Variants in RNF150 observed in about 807,000 individuals in gnomAD.
RNF150 encodes the protein ring finger protein 150.
Under a neutral mutation model 39.3 loss-of-function variants are expected in RNF150, and 24 were observed. The observed-to-expected ratio is 0.61, with a 90% CI of 0.44 to 0.86. The LOEUF is 0.86. Among genes scored for constraint, RNF150 ranks in the 40% least tolerant of loss-of-function variants. The pLI, the probability that RNF150 is intolerant of heterozygous loss-of-function variation, is 0.00. For missense variants in RNF150, 502 were observed against 587.8 expected, an observed-to-expected ratio of 0.85 and a Z score of 1.51; for synonymous variants, 255 against 227.3, an observed-to-expected ratio of 1.12 and a Z score of -1.10.
intron 1 of RNF150, among the ~76,000 whole-genome samples, chr4:141,178,737 A>C (rs1325843022): frequency 6.7e-6 from 1 of 149,526 alleles, no homozygotes; most frequent in Non-Finnish European, 1.5e-5. Flanking sequence ...ATGCTAGTTC[A>C]TGTTCTCCAA....
At chr4:141,206,426 A>AAAC (rs1426830523) in intron 1 of RNF150, among the ~76,000 whole-genome samples, 1 of 151,586 alleles carries the variant, frequency 6.6e-6, no homozygotes, top group Non-Finnish European at 1.5e-5. Flanking sequence ...TCTCAAAAAA[A>AAAC]AAAAAAAAAA....
In RNF150 at chr4:141,132,589, A is replaced by T. The variant is rs1726926503; in HGVS notation, c.220T>A (p.Cys74Ser). ...GGCGAGTGCTCTCCGTAGCGCCCGC[A>T]CTCCGTCTTCTCCGTGTGCAGCTCC... ...GAELHTEKTECGRYGEHSPKQ... is the reference protein window; with the variant it reads ...GAELHTEKTESGRYGEHSPKQ... Residue 74 changes from cysteine to serine, a missense_variant, in exon 1 of 7, where the codon TGC becomes AGC. Transcript: ENST00000515673. The surrounding 1 kb of genome is among the most constrained non-coding windows in gnomAD (Gnocchi z 4.9). The T allele has an allele frequency of 1.3e-6, 2 of 1,569,318 alleles. No homozygotes were observed. The highest frequency in any genetic ancestry group is 4.7e-5 in the East Asian group (2 of 42,190).
intron 1 of RNF150, among the ~76,000 whole-genome samples, chr4:141,153,910 G>T (rs919299823): frequency 6.6e-6 from 1 of 152,178 alleles, no homozygotes; most frequent in Non-Finnish European, 1.5e-5. Flanking sequence ...AAGAGAGCAG[G>T]CTCTCGAGTT....
intron 6 of RNF150, among the ~76,000 whole-genome samples, chr4:140,902,239 T>C (rs916416672): frequency 6.6e-6 from 1 of 152,168 alleles, no homozygotes; most frequent in Admixed American, 6.5e-5. Flanking sequence ...GGGATGGTGA[T>C]TGTTTCACTA....
intron 6 of RNF150, among the ~76,000 whole-genome samples, chr4:140,893,716 C>G (rs144023509): frequency 3.3e-5 from 5 of 151,980 alleles, no homozygotes; most frequent in Admixed American, 6.6e-5. Context: ...GTTGTTCTGG[C>G]GGGGGCTTGT....
chr4:141,047,816 A>C (rs1736633497), intron 1 of RNF150, among the ~76,000 whole-genome samples: 1 of 152,142 alleles, frequency 6.6e-6, no homozygotes, highest in Non-Finnish European at 1.5e-5. Context: ...TTTTTAAATC[A>C]ACAAACTTAA....
chr4:141,129,667 A>G (rs954574655), intron 1 of RNF150, among the ~76,000 whole-genome samples: 2 of 152,254 alleles, frequency 1.3e-5, no homozygotes, highest in Non-Finnish European at 2.9e-5. Flanking sequence ...GTTATAAAGC[A>G]AAACTACTGG....
At position 141,111,558 on chromosome 4, in the gene RNF150, GCTTT is replaced by G. The variant is rs565731173; in HGVS notation, c.484+20763_484+20766del. ...TTCAGAGGAAAAAAGGAATACTAAA[GCTTT>G]CTAATAAGAATCTTACAAGTGAAAG... On this transcript the variant is annotated intron_variant, in intron 1 of 6. Coordinates refer to ENST00000515673, the MANE Select transcript of RNF150 (RefSeq NM_020724.2). Among the ~76,000 whole-genome samples, 4 of 152,270 alleles carry G rather than the reference GCTTT, an allele frequency of 2.6e-5. No homozygotes were observed. The East Asian group carries it at 7.7e-4, about 29-fold the overall frequency.
intron 1 of RNF150, among the ~76,000 whole-genome samples, chr4:141,192,050 A>G (rs114752654): frequency 1.6e-3 from 243 of 152,232 alleles, no homozygotes; most frequent in African/African-American, 5.6e-3. Context: ...GTCAAGATTT[A>G]CCCAACATTA....
intron 1 of RNF150, among the ~76,000 whole-genome samples, chr4:140,981,614 T>G (rs746262749): frequency 5.3e-5 from 8 of 152,162 alleles, no homozygotes; most frequent in Non-Finnish European, 1.0e-4. Context: ...AAAAATAATG[T>G]GTTTGGGGTA....
chr4:140,988,772 G>T (rs1734096997), intron 1 of RNF150, among the ~76,000 whole-genome samples: 1 of 152,070 alleles, frequency 6.6e-6, no homozygotes. Context: ...AACAATGATG[G>T]ACTGGATTAA....
chr4:140,968,544 A>T (rs1213235965), intron 1 of RNF150, among the ~76,000 whole-genome samples: 1 of 151,894 alleles, frequency 6.6e-6, no homozygotes, highest in Admixed American at 6.6e-5. Flanking sequence ...CCAAGCAAAG[A>T]GAAGTATGGT....
At chr4:140,942,033 A>G (rs1021428710) in intron 4 of RNF150, among the ~76,000 whole-genome samples, 2 of 152,194 alleles carry the variant, frequency 1.3e-5, no homozygotes, top group African/African-American at 4.8e-5. Context: ...TCAGAGTTTC[A>G]TGTTGGAGGT....
Position 141,027,926 on chromosome 4 carries a change from G to GTTTTTTTTTTTTTT in RNF150, c.485-60067_485-60054dup, listed in dbSNP as rs61543533. On this transcript the variant is annotated intron_variant, in intron 1 of 6. Coordinates refer to ENST00000515673, the MANE Select transcript of RNF150 (RefSeq NM_020724.2). ...GCTTGGAATTTGTTTTTTTTTTTTT[G>GTTTTTTTTTTTTTT]TTTTTTTTTTTTTTTTTTTTTTTTT... 1.4e-4 allele frequency among the ~76,000 whole-genome samples: 10 copies of GTTTTTTTTTTTTTT among 69,120 alleles called. 1 individual carries two copies. The highest frequency in any genetic ancestry group is 2.2e-4 in the African/African-American group (4 of 18,420). The allele number at this position is 69,120 out of a possible 152,430, so 45.3% of individuals were successfully genotyped here. A position where few individuals can be genotyped will look rare whatever the true frequency, so the allele number is the denominator to read the frequency against.
intron 1 of RNF150, among the ~76,000 whole-genome samples, chr4:141,014,193 T>A (rs1379018006): frequency 6.6e-6 from 1 of 152,216 alleles, no homozygotes; most frequent in Non-Finnish European, 1.5e-5. Flanking sequence ...TGCTGAAAAG[T>A]ATGCCATTAT....
chr4:140,870,835 T>G (rs943355752), intron 6 of RNF150, among the ~76,000 whole-genome samples: 5 of 151,534 alleles, frequency 3.3e-5, no homozygotes, highest in African/African-American at 1.2e-4. Flanking sequence ...GCATTTTCCC[T>G]GTCCATGTCG....
Position 141,133,190 on chromosome 4 carries a change from C to T in RNF150, c.-382G>A, listed in dbSNP as rs1405581213. ...TGCAGGGTGGCGGCCCTGCGCCCTC[C>T]AGCCCCGGCGGGGACGGGCACGATT... On this transcript the variant is annotated 5_prime_UTR_variant, in exon 1 of 7. Transcript: ENST00000515673. 8 of 241,052 alleles carry T rather than the reference C, an allele frequency of 3.3e-5. No homozygotes were observed. In the East Asian group the frequency reaches 1.1e-3, roughly 34 times the overall value. 14.9% of individuals were successfully genotyped at this position (241,052 alleles called of 1,614,324 possible).
At chr4:140,901,083 G>A (rs557242359) in intron 6 of RNF150, among the ~76,000 whole-genome samples, 371 of 152,258 alleles carry the variant, frequency 2.4e-3, no homozygotes, top group Non-Finnish European at 2.1e-3. Flanking sequence ...AGTAAAGGTC[G>A]TGTAGATGGT....
At chr4:141,041,778 C>T (rs1188828940) in intron 1 of RNF150, among the ~76,000 whole-genome samples, 1 of 151,968 alleles carries the variant, frequency 6.6e-6, no homozygotes, top group Non-Finnish European at 1.5e-5. Context: ...TTGAGCATAT[C>T]ATTATATTAT....
Sources: allele counts gnomAD v4.1 joint callset (sites outside exome capture counted in the v4.1 genomes callset), GRCh38; gene constraint gnomAD v4.1.1; non-coding constraint Gnocchi (gnomAD v3.1); transcripts MANE v1.5; gene names NCBI Gene and HGNC (gene_info 2026-07-23, HGNC 2026-07-21).